Variants in POLR2F observed in about 807,000 individuals in gnomAD.
POLR2F encodes DNA-directed RNA polymerases I, II, and III subunit RPABC2.
In POLR2F, 12 loss-of-function variants were observed where a neutral mutation model predicts 22.7. The observed-to-expected ratio is 0.53, with a 90% confidence interval of 0.34 to 0.86. The LOEUF (loss-of-function observed/expected upper bound fraction) is 0.86. Among genes scored for constraint, POLR2F ranks in the 40% least tolerant of loss-of-function variants. The pLI is 0.02. For missense variants in POLR2F, 126 were observed against 171.5 expected (o/e 0.73, Z 1.48); for synonymous variants, 57 against 66.0 (o/e 0.86, Z 0.66).
chr22:37,973,846 C>T, downstream of POLR2F: 2 of 1,606,486 alleles, frequency 1.2e-6, no homozygotes, highest in Non-Finnish European at 1.7e-6. Context: ...CTTTGGCATC[C>T]ACACCAGGTG....
chr22:38,010,939 G>A (rs1019456496), intron 1 of POLR2F, among the ~76,000 whole-genome samples: 2 of 151,854 alleles, frequency 1.3e-5, no homozygotes, highest in Non-Finnish European at 2.9e-5. Flanking sequence ...TTTGAAGAGC[G>A]AAAGTTTTGA....
chr22:37,997,976 C>T lies in POLR2F; in HGVS notation c.120+11664C>T, dbSNP rs545497478. ...TTGATGGAAGAGCAGGTGTTTGTGT[C>T]CCCTTCCGGTGAGAGCTTTCCAGCG... On this transcript the variant is annotated intron_variant, in intron 1 of 2. Transcript: ENST00000333418. This position sits in a 1 kb window ranked among gnomAD's most constrained non-coding sequence, Gnocchi z 4.4. Among the ~76,000 whole-genome samples the T allele has an allele frequency of 2.0e-5, 3 of 152,290 alleles. No individual in the cohort carries two copies. The highest frequency in any genetic ancestry group is 2.0e-4 in the Admixed American group (3 of 15,308).
At chr22:38,004,362 G>A (rs1332672260) in intron 1 of POLR2F, among the ~76,000 whole-genome samples, 2 of 152,144 alleles carry the variant, frequency 1.3e-5, no homozygotes, top group Non-Finnish European at 2.9e-5. Flanking sequence ...GAAGAGGAGA[G>A]ATTTGAGAAC....
chr22:37,992,123 A>G (rs1443811031), intron 1 of POLR2F, among the ~76,000 whole-genome samples: 1 of 152,194 alleles, frequency 6.6e-6, no homozygotes, highest in Non-Finnish European at 1.5e-5. Context: ...GGTGTGTGCC[A>G]CCATGCCTGG....
intron 1 of POLR2F, among the ~76,000 whole-genome samples, chr22:38,015,097 C>T (rs1269125851): frequency 6.6e-6 from 1 of 152,194 alleles, no homozygotes; most frequent in Non-Finnish European, 1.5e-5. Context: ...TGAGCCACCG[C>T]ACCCGGCCTC....
chr22:38,014,723 T>G (rs1321071296), intron 1 of POLR2F, among the ~76,000 whole-genome samples: 1 of 151,444 alleles, frequency 6.6e-6, no homozygotes, highest in African/African-American at 2.4e-5. Context: ...GACCTCGTGA[T>G]CTATCTGCCT....
downstream of POLR2F, chr22:37,973,741 C>A: frequency 6.2e-7 from 1 of 1,602,332 alleles, no homozygotes; most frequent in Non-Finnish European, 8.5e-7. Context: ...CATAGTGGGG[C>A]AGGCTGAGGG....
At chr22:37,987,259 C>G in intron 1 of POLR2F, 1 of 456,732 alleles carries the variant, frequency 2.2e-6, no homozygotes. Flanking sequence ...ACAGGGTTTT[C>G]CTGGGACTCA....
chr22:37,986,240 G>T lies in POLR2F; in HGVS notation c.50G>T (p.Gly17Val), dbSNP rs1186699367. The change falls in exon 1 of 3, where the codon GGC (glycine) becomes GTC (valine). Residue 17 changes from glycine (G) to valine (V), a missense_variant. Gly to Val is a moderately radical substitution (Grantham distance 109, BLOSUM62 -3). Transcript: ENST00000333418. This position sits in a 1 kb window ranked among gnomAD's most constrained non-coding sequence, Gnocchi z 4.7. The stretch of plus-strand genomic sequence containing the variant: ...GACGAGCATCTGCCGTCGTGTCCCG[G>T]CTGCCCTGCAGTCGCCTCCAACACC... The T allele has an allele frequency of 1.9e-6, 3 of 1,540,752 alleles. No homozygotes were observed.
intron 4 of POLR2F, 62 bp from the exon 5 acceptor site, chr22:37,967,562 TC>T (rs1230125131): frequency 6.3e-7 from 1 of 1,595,882 alleles, no homozygotes; most frequent in Non-Finnish European, 8.5e-7. Flanking sequence ...CACAATCTGT[TC>T]CTTCTGCGGC....
intron 4 of POLR2F, among the ~76,000 whole-genome samples, chr22:37,979,912 C>T (rs1190988385): frequency 6.6e-6 from 1 of 152,066 alleles, no homozygotes; most frequent in Admixed American, 6.5e-5. Context: ...CCACCCCTCA[C>T]ACCCCAGTGA....
At chr22:37,966,596 A>C (rs866900391) in intron 3 of POLR2F, among the ~76,000 whole-genome samples, 1 of 151,968 alleles carries the variant, frequency 6.6e-6, no homozygotes, top group African/African-American at 2.4e-5. Context: ...AACATGGCGA[A>C]ATGTTAATTT....
Position 38,020,963 on chromosome 22 carries a change from G to T in POLR2F, c.121-4906G>T, listed in dbSNP as rs114069030. Reference sequence around the variant, plus strand: ...GCCTCCCAGTCCCACACTTGTGTGTGCTGCCTGGTGTGAGGCTCTTTTGCG... The same window carrying T: ...GCCTCCCAGTCCCACACTTGTGTGTTCTGCCTGGTGTGAGGCTCTTTTGCG... On this transcript the variant is annotated intron_variant, in intron 1 of 2. Transcript: ENST00000333418. 5.7e-3 allele frequency among the ~76,000 whole-genome samples: 863 copies of T among 152,330 alleles called. 13 individuals carry two copies. Among genetic ancestry groups the T allele is most frequent in the African/African-American group, 0.02 (824 of 41,562 alleles).
At chr22:38,025,687 G>T in intron 1 of POLR2F, 1 of 1,543,852 alleles carries the variant, frequency 6.5e-7, no homozygotes, top group East Asian at 2.3e-5. Flanking sequence ...CAGTCCTGCT[G>T]GGTGGATATC....
chr22:37,976,297 G>A (rs1213572018), intron 4 of POLR2F, among the ~76,000 whole-genome samples: 1 of 152,178 alleles, frequency 6.6e-6, no homozygotes, highest in Admixed American at 6.6e-5. Context: ...ATGGGCTCAG[G>A]TGATCCTCCC....
chr22:38,033,787 A>G (rs891295506), intron 5 of POLR2F, among the ~76,000 whole-genome samples: 2 of 152,134 alleles, frequency 1.3e-5, no homozygotes, highest in African/African-American at 4.8e-5. Context: ...CCTGCCCCCC[A>G]TGTGACTCCA....
intron 1 of POLR2F, among the ~76,000 whole-genome samples, chr22:37,955,741 G>T (rs1355643707): frequency 6.6e-6 from 1 of 151,934 alleles, no homozygotes; most frequent in African/African-American, 2.4e-5. Context: ...GGAGTGCAGT[G>T]GGGTGACCGT....
chr22:38,014,890 C>T (rs1158262046), intron 1 of POLR2F, among the ~76,000 whole-genome samples: 1 of 148,104 alleles, frequency 6.8e-6, no homozygotes, highest in African/African-American at 2.5e-5. Flanking sequence ...TAACTGCAAG[C>T]TCTGCCTCCT....
chr22:38,012,235 C>T (rs1188689953), intron 1 of POLR2F, among the ~76,000 whole-genome samples: 1 of 152,060 alleles, frequency 6.6e-6, no homozygotes. Context: ...ATACCCACCA[C>T]CATGCCCAGC....
Sources: gnomAD v4.1 joint callset for allele counts (sites outside exome capture counted in the v4.1 genomes callset) on GRCh38, gnomAD v4.1.1 for gene constraint, Gnocchi (gnomAD v3.1) non-coding constraint, MANE v1.5 for transcripts, NCBI Gene and HGNC (gene_info 2026-07-23, HGNC 2026-07-21) for gene names.